Variants in TANC1 observed in about 807,000 individuals in gnomAD.
TANC1 encodes the protein protein TANC1.
In TANC1, 77 loss-of-function variants were observed where a neutral mutation model predicts 149.7. The ratio of observed to expected loss-of-function variants is 0.51; its 90% CI spans 0.43 to 0.62. The LOEUF is 0.62. TANC1 is among the 20% of genes least tolerant of loss of function. The pLI is 0.00. For synonymous variants in TANC1, 854 were observed against 925.0 expected (o/e 0.92, Z 1.39); for missense variants, 1,985 against 2,321.8 (o/e 0.85, Z 2.98).
At chr2:159,056,844 C>T (rs565575230) in intron 2 of TANC1, 2 of 339,706 alleles carry the variant, frequency 5.9e-6, no homozygotes, top group East Asian at 1.3e-4. Context: ...CACATCCAGC[C>T]ATTGGCTTCA....
At chr2:159,083,876 ATT>A (rs544957246) in intron 3 of TANC1, among the ~76,000 whole-genome samples, 2 of 147,590 alleles carry the variant, frequency 1.4e-5, no homozygotes, top group South Asian at 2.1e-4. Flanking sequence ...TGAGCAGTGA[ATT>A]TTTTTTTTTT....
chr2:159,127,551 A>T (rs766798923), intron 4 of TANC1, among the ~76,000 whole-genome samples: 2 of 152,280 alleles, frequency 1.3e-5, no homozygotes, highest in Non-Finnish European at 1.5e-5. Context: ...ATGTGGAATC[A>T]ACCCAAATGC....
chr2:159,121,285 A>T (rs776177514), intron 4 of TANC1, among the ~76,000 whole-genome samples: 4 of 152,212 alleles, frequency 2.6e-5, no homozygotes, highest in Non-Finnish European at 5.9e-5. Flanking sequence ...TGGGAAATGC[A>T]ATTATTTATG....
intron 2 of TANC1, among the ~76,000 whole-genome samples, chr2:159,024,001 G>C (rs2039050045): frequency 6.6e-6 from 1 of 151,482 alleles, no homozygotes; most frequent in Admixed American, 6.6e-5. Flanking sequence ...AAATATACAA[G>C]TAATGAGGCA....
At chr2:159,219,062 G>A (rs1489335407) in intron 20 of TANC1, among the ~76,000 whole-genome samples, 176 bp from the exon 21 acceptor site, 5 of 152,204 alleles carry the variant, frequency 3.3e-5, no homozygotes, top group African/African-American at 1.2e-4. Flanking sequence ...TTTTGGAAAA[G>A]GTTCTGTTCA....
chr2:159,076,532 A>G (rs1352430575), intron 3 of TANC1, among the ~76,000 whole-genome samples: 2 of 152,234 alleles, frequency 1.3e-5, no homozygotes, highest in Admixed American at 1.3e-4. Flanking sequence ...ACTCCTGGTA[A>G]GTTCCCAACA....
At chr2:159,198,347 T>A (rs1173906209) in intron 18 of TANC1, among the ~76,000 whole-genome samples, 1 of 152,076 alleles carries the variant, frequency 6.6e-6, no homozygotes, top group Non-Finnish European at 1.5e-5. Flanking sequence ...CCACAAAGGG[T>A]GTGGGCTAGG....
intron 3 of TANC1, among the ~76,000 whole-genome samples, chr2:159,077,159 G>A (rs1044942284): frequency 1.3e-5 from 2 of 152,046 alleles, no homozygotes; most frequent in Admixed American, 1.3e-4. Context: ...TCTGGATTAC[G>A]CAGTCCTCCC....
chr2:159,068,539 G>A (rs1574445903), intron 3 of TANC1, among the ~76,000 whole-genome samples: 1 of 152,258 alleles, frequency 6.6e-6, no homozygotes, highest in South Asian at 2.1e-4. Flanking sequence ...TTGGAAAAAT[G>A]CAGTAACTGA....
At chr2:159,160,500 C>T (rs894365268) in intron 7 of TANC1, among the ~76,000 whole-genome samples, 2 of 152,178 alleles carry the variant, frequency 1.3e-5, no homozygotes, top group African/African-American at 4.8e-5. Context: ...CCAGCTTTCT[C>T]TTCTTGGGGA....
intron 8 of TANC1, among the ~76,000 whole-genome samples, chr2:159,167,834 T>C (rs2054761233): frequency 6.6e-6 from 1 of 152,052 alleles, no homozygotes; most frequent in African/African-American, 2.4e-5. Context: ...GAGATCTTAG[T>C]AGGGGGAAAT....
intron 19 of TANC1, 76 bp from the exon 20 acceptor site, chr2:159,217,421 G>T (rs147753119): frequency 1.3e-6 from 2 of 1,583,042 alleles, no homozygotes; most frequent in Non-Finnish European, 1.7e-6. Flanking sequence ...CTGGGGGAGA[G>T]AACTGTTAAA....
chr2:159,168,894 A>T (rs1007124153), intron 8 of TANC1, among the ~76,000 whole-genome samples: 1 of 152,198 alleles, frequency 6.6e-6, no homozygotes, highest in East Asian at 1.9e-4. Context: ...AGAAGAATCT[A>T]GCAGCATGCC....
At chr2:159,161,127 A>C (rs549207032) in intron 7 of TANC1, among the ~76,000 whole-genome samples, 1 of 152,178 alleles carries the variant, frequency 6.6e-6, no homozygotes, top group Non-Finnish European at 1.5e-5. Flanking sequence ...TCCTGATTGC[A>C]GTGCTGTCAC....
chr2:159,062,992 A>G (rs868865417), intron 2 of TANC1, among the ~76,000 whole-genome samples: 11 of 147,412 alleles, frequency 7.5e-5, no homozygotes, highest in Non-Finnish European at 1.1e-4. Context: ...AAAAAAAAAA[A>G]AAAGAAAGCA....
At chr2:158,992,883 A>T (rs953359989) in intron 1 of TANC1, among the ~76,000 whole-genome samples, 1 of 152,052 alleles carries the variant, frequency 6.6e-6, no homozygotes, top group Non-Finnish European at 1.5e-5. Context: ...CTTTTTAAAT[A>T]GCTGCTGTTT....
chr2:159,185,988 C>G (rs2056937398), intron 15 of TANC1, 89 bp downstream of exon 15: 1 of 966,192 alleles, frequency 1.0e-6, no homozygotes, highest in Admixed American at 2.1e-5. Context: ...GTCAGCCATC[C>G]AAGAAACGCT....
At chr2:159,182,326 C>T (rs1395483505) in intron 14 of TANC1, among the ~76,000 whole-genome samples, 3 of 152,000 alleles carry the variant, frequency 2.0e-5, no homozygotes, top group African/African-American at 7.2e-5. Context: ...GTAAACATGA[C>T]ATTTTACTTT....
chr2:159,054,274 T>C (rs544068013), intron 2 of TANC1, among the ~76,000 whole-genome samples: 2 of 152,304 alleles, frequency 1.3e-5, no homozygotes, highest in South Asian at 4.1e-4. Flanking sequence ...GGAATGGAGA[T>C]TAACAGTACC....
Sources: allele counts gnomAD v4.1 joint callset (sites outside exome capture counted in the v4.1 genomes callset), GRCh38; gene constraint gnomAD v4.1.1; transcripts MANE v1.5; gene names NCBI Gene and HGNC (gene_info 2026-07-23, HGNC 2026-07-21).